The following MMP16 variants were observed in gnomAD, a reference collection of about 807,000 sequenced individuals.
MMP16 encodes the protein matrix metalloproteinase-16.
In MMP16, 12 loss-of-function variants were observed where a neutral mutation model predicts 67.8. That is an observed-to-expected ratio of 0.18 (90% CI 0.11 to 0.29). The LOEUF is 0.29. Ranked by LOEUF, MMP16 falls within the 10% of genes least tolerant of loss-of-function variation. The pLI, the probability that MMP16 is intolerant of heterozygous loss-of-function variation, is 1.00. For missense variants in MMP16, 475 were observed against 765.7 expected (o/e 0.62, Z 4.48); for synonymous variants, 249 against 255.9 (o/e 0.97, Z 0.26).
intron 1 of MMP16, among the ~76,000 whole-genome samples, chr8:88,314,782 A>T (rs760105830): frequency 6.6e-6 from 1 of 152,194 alleles, no homozygotes; most frequent in Non-Finnish European, 1.5e-5. Context: ...ACAGGAAGAC[A>T]CAGATCAGTT....
At chr8:88,258,400 C>T (rs1009959521) in intron 1 of MMP16, among the ~76,000 whole-genome samples, 56 of 152,164 alleles carry the variant, frequency 3.7e-4, no homozygotes, top group African/African-American at 1.2e-3. Flanking sequence ...TCCAGTGAGT[C>T]GGCTGTAAGG....
Position 88,327,135 on chromosome 8 carries a change from T to G in MMP16, c.72A>C (p.Gln24His). The change falls in exon 1 of 10, where the codon CAA becomes CAC. Residue 24 changes from glutamine (Q) to histidine (H), a missense_variant. Transcript: ENST00000286614. ...TAGCACATAAAATCCAAAGCAAGGT[T>G]TGCAAGAAAAACACCCCCGAATGAT... ...FVHHSGVFFL[Q>H]TLLWILCATV... is the part of the protein sequence containing the mutation. 6.2e-7 allele frequency: 1 copy of G among 1,613,978 alleles called. No homozygotes were observed. Among genetic ancestry groups the G allele is most frequent in the Non-Finnish European group, 8.5e-7 (1 of 1,179,972 alleles).
chr8:88,197,751 AC>A (rs1299834449), intron 1 of MMP16, among the ~76,000 whole-genome samples: 2 of 152,182 alleles, frequency 1.3e-5, no homozygotes, highest in Non-Finnish European at 2.9e-5. Flanking sequence ...CCTGAAATTG[AC>A]CAGTGACTCC....
At chr8:88,050,574 T>C (rs1372690491) in intron 8 of MMP16, among the ~76,000 whole-genome samples, 3 of 152,294 alleles carry the variant, frequency 2.0e-5, no homozygotes, top group Non-Finnish European at 2.9e-5. Context: ...ATGTTCTCTA[T>C]AATAATGTCC....
intron 6 of MMP16, among the ~76,000 whole-genome samples, chr8:88,101,946 C>A (rs946606496): frequency 2.0e-5 from 3 of 151,746 alleles, no homozygotes; most frequent in Non-Finnish European, 4.4e-5. Flanking sequence ...TTAAAAACAT[C>A]CAGTCTTGGC....
chr8:88,223,614 T>A (rs774039903), intron 1 of MMP16, among the ~76,000 whole-genome samples: 1 of 144,832 alleles, frequency 6.9e-6, no homozygotes, highest in Non-Finnish European at 1.5e-5. Flanking sequence ...ACACTGCATG[T>A]TGTCACTCAT....
At chr8:88,267,001 A>G (rs558868600) in intron 1 of MMP16, among the ~76,000 whole-genome samples, 1 of 152,308 alleles carries the variant, frequency 6.6e-6, no homozygotes, top group Non-Finnish European at 1.5e-5. Flanking sequence ...ATATGCATAT[A>G]GAAGGAAGAT....
At chr8:88,168,724 AGTATTT>A (rs1287648877) in intron 3 of MMP16, among the ~76,000 whole-genome samples, 8 of 152,288 alleles carry the variant, frequency 5.3e-5, no homozygotes, top group African/African-American at 1.7e-4. Context: ...AAATGGAACT[AGTATTT>A]GTATTTTTTT....
intron 6 of MMP16, among the ~76,000 whole-genome samples, chr8:88,091,592 A>C (rs1182619687): frequency 6.6e-6 from 1 of 151,706 alleles, no homozygotes; most frequent in Non-Finnish European, 1.5e-5. Flanking sequence ...CAGGTTTAAG[A>C]TATTCTCTTA....
chr8:88,201,143 CCA>C (rs1809337682), intron 1 of MMP16, among the ~76,000 whole-genome samples: 1 of 73,832 alleles, frequency 1.4e-5, no homozygotes, highest in South Asian at 5.2e-4. Context: ...CTTTCCCCCC[CCA>C]AAAAAAAAAA....
At chr8:88,169,748 C>T (rs547387801) in intron 3 of MMP16, among the ~76,000 whole-genome samples, 1 of 152,190 alleles carries the variant, frequency 6.6e-6, no homozygotes, top group East Asian at 1.9e-4. Context: ...AACAGCAAGG[C>T]AGCTGGTGTA....
At chr8:88,259,549 A>G (rs192830453) in intron 1 of MMP16, among the ~76,000 whole-genome samples, 2 of 152,182 alleles carry the variant, frequency 1.3e-5, no homozygotes, top group Non-Finnish European at 1.5e-5. Context: ...TGATATGTAC[A>G]GAAGGATCCA....
intron 1 of MMP16, among the ~76,000 whole-genome samples, chr8:88,225,160 G>C (rs1809750136): frequency 6.6e-6 from 1 of 151,920 alleles, no homozygotes; most frequent in African/African-American, 2.4e-5. Flanking sequence ...AATTTCACTA[G>C]CTTTAATGTG....
chr8:88,192,258 A>T (rs908236461), intron 2 of MMP16, among the ~76,000 whole-genome samples: 2 of 152,316 alleles, frequency 1.3e-5, no homozygotes, highest in South Asian at 4.1e-4. Flanking sequence ...CTGACAGCTC[A>T]TTCCAGTCCA....
At chr8:88,275,032 G>A (rs1161805665) in intron 1 of MMP16, among the ~76,000 whole-genome samples, 1 of 151,914 alleles carries the variant, frequency 6.6e-6, no homozygotes, top group Non-Finnish European at 1.5e-5. Context: ...TTCTAAAAGA[G>A]AATCACATTA....
At chr8:88,319,609 G>T (rs999404625) in intron 1 of MMP16, among the ~76,000 whole-genome samples, 2 of 152,046 alleles carry the variant, frequency 1.3e-5, no homozygotes, top group Non-Finnish European at 2.9e-5. Flanking sequence ...AAGTTCCCAC[G>T]GAAAAATGCC....
chr8:88,308,283 A>G (rs1043625660), intron 1 of MMP16, among the ~76,000 whole-genome samples: 2 of 152,106 alleles, frequency 1.3e-5, no homozygotes, highest in Non-Finnish European at 2.9e-5. Flanking sequence ...ATGTGTTCAA[A>G]GGGACCTTTT....
intron 4 of MMP16, among the ~76,000 whole-genome samples, chr8:88,137,525 C>A (rs1367740928): frequency 6.6e-6 from 1 of 151,930 alleles, no homozygotes; most frequent in Non-Finnish European, 1.5e-5. Flanking sequence ...AAGATGTTCT[C>A]TTTGGATTTA....
intron 1 of MMP16, among the ~76,000 whole-genome samples, chr8:88,204,658 T>C (rs575342399): frequency 6.6e-6 from 1 of 152,158 alleles, no homozygotes; most frequent in Non-Finnish European, 1.5e-5. Context: ...TTAATGAATA[T>C]AATTATAAGT....
Sources: gnomAD v4.1 joint callset for allele counts (sites outside exome capture counted in the v4.1 genomes callset) on GRCh38, gnomAD v4.1.1 for gene constraint, MANE v1.5 for transcripts, NCBI Gene and HGNC (gene_info 2026-07-23, HGNC 2026-07-21) for gene names.